Variants in TANC1 observed in about 807,000 individuals in gnomAD.
The protein encoded by TANC1 is tetratricopeptide repeat, ankyrin repeat and coiled-coil containing 1, also known as protein TANC1.
TANC1 carries 77 observed loss-of-function variants against 149.7 expected under a neutral mutation model. The ratio of observed to expected loss-of-function variants is 0.51; its 90% CI spans 0.43 to 0.62. The LOEUF (loss-of-function observed/expected upper bound fraction) is 0.62. Among genes scored for constraint, TANC1 ranks in the 20% least tolerant of loss-of-function variants. The pLI, the probability that TANC1 is intolerant of heterozygous loss-of-function variation, is 0.00. For synonymous variants in TANC1, 854 were observed against 925.0 expected (o/e 0.92, Z 1.39); for missense variants, 1,985 against 2,321.8 (o/e 0.85, Z 2.98).
intron 4 of TANC1, among the ~76,000 whole-genome samples, chr2:159,119,307 A>C (rs1476096137): frequency 1.3e-5 from 2 of 152,122 alleles, no homozygotes; most frequent in Non-Finnish European, 1.5e-5. Context: ...GGATTGTTTA[A>C]CCCATTGTTT....
chr2:159,017,109 A>G (rs1192025823), intron 2 of TANC1, among the ~76,000 whole-genome samples: 1 of 152,172 alleles, frequency 6.6e-6, no homozygotes, highest in African/African-American at 2.4e-5. Context: ...TACCTTGCCT[A>G]TGATCTTTTC....
chr2:159,100,561 C>G (rs1166627536), intron 4 of TANC1, among the ~76,000 whole-genome samples: 2 of 152,290 alleles, frequency 1.3e-5, no homozygotes, highest in Admixed American at 1.3e-4. Flanking sequence ...TTGGGATGTT[C>G]TCTCTATTAG....
intron 11 of TANC1, among the ~76,000 whole-genome samples, chr2:159,173,007 G>A (rs890256266): frequency 1.3e-5 from 2 of 152,062 alleles, no homozygotes; most frequent in East Asian, 1.9e-4. Context: ...TCTGCTTTCC[G>A]GATGATGACT....
Position 159,097,827 on chromosome 2 carries a change from AT to A in TANC1, c.253del (p.Ser85ProfsTer22), listed in dbSNP as rs1489315552. The A allele has an allele frequency of 6.2e-7, 1 of 1,611,444 alleles. No individual in the cohort carries two copies. ...TGGTGCAATCAAGAGTGAACAAAAA[AT>A]CCCCAGGTAAACAGGCAATGAAGGA... ...HLVQSRVNKKSPGPVRKPKYV... is the reference protein window; with the variant it reads ...HLVQSRVNKKXPGPVRKPKYV... On this transcript the variant is annotated frameshift_variant, in exon 4 of 27. Transcript: ENST00000263635. LOFTEE classifies it high-confidence loss of function.
At chr2:158,992,669 ATTTTTT>A (rs70994251) in intron 1 of TANC1, among the ~76,000 whole-genome samples, 60 of 112,518 alleles carry the variant, frequency 5.3e-4, no homozygotes, top group African/African-American at 1.6e-3. Context: ...TGCCCAGCTA[ATTTTTT>A]TTTTTTTTTT....
intron 2 of TANC1, among the ~76,000 whole-genome samples, chr2:159,034,860 G>A (rs1468825890): frequency 6.6e-6 from 1 of 152,206 alleles, no homozygotes; most frequent in African/African-American, 2.4e-5. Flanking sequence ...ACGTCCTCAC[G>A]AACTCACCGA....
intron 2 of TANC1, among the ~76,000 whole-genome samples, chr2:159,026,707 G>C (rs2039374640): frequency 6.6e-6 from 1 of 152,050 alleles, no homozygotes; most frequent in African/African-American, 2.4e-5. Flanking sequence ...ACCTTCTGGA[G>C]TGCTGGGTTG....
At chr2:159,219,141 C>A in intron 20 of TANC1, 97 bp from the exon 21 acceptor site, 1 of 1,491,602 alleles carries the variant, frequency 6.7e-7, no homozygotes, top group Non-Finnish European at 9.3e-7. Flanking sequence ...GAAAGAAAGT[C>A]ATTTGACTAT....
chr2:159,201,605 AATGGTGTTTTGTG>A (rs1220373573), intron 19 of TANC1, among the ~76,000 whole-genome samples: 1 of 152,144 alleles, frequency 6.6e-6, no homozygotes, highest in Non-Finnish European at 1.5e-5. Flanking sequence ...GGGTGTAGTC[AATGGTGTTTTGTG>A]TCCAAAACAC....
At chr2:159,019,197 G>A (rs151035470) in intron 2 of TANC1, among the ~76,000 whole-genome samples, 271 of 152,234 alleles carry the variant, frequency 1.8e-3, no homozygotes, top group African/African-American at 6.0e-3. Flanking sequence ...AAGCTCCTTC[G>A]AGCACCTTAG....
At chr2:159,056,122 G>T in intron 2 of TANC1, 1 of 270,028 alleles carries the variant, frequency 3.7e-6, no homozygotes. Context: ...TAAGATGTGG[G>T]AACTCATCCA....
intron 9 of TANC1, among the ~76,000 whole-genome samples, chr2:159,170,126 A>G (rs994681989): frequency 1.3e-5 from 2 of 152,128 alleles, no homozygotes; most frequent in African/African-American, 4.8e-5. Context: ...CCCTATTTCT[A>G]GGGAAAACAT....
intron 2 of TANC1, among the ~76,000 whole-genome samples, chr2:159,028,531 T>G (rs2039533367): frequency 6.6e-6 from 1 of 152,210 alleles, no homozygotes; most frequent in African/African-American, 2.4e-5. Context: ...TCCTCATATT[T>G]TAAAAAATTG....
At chr2:159,045,993 C>A (rs1226481835) in intron 2 of TANC1, among the ~76,000 whole-genome samples, 1 of 152,136 alleles carries the variant, frequency 6.6e-6, no homozygotes, top group Non-Finnish European at 1.5e-5. Context: ...CGTATTGAAA[C>A]CAAGCCTTTC....
rs1183073887 is a variant in TANC1 at position 158,969,132 on chromosome 2, C to T, written c.-126+350C>T. Among the ~76,000 whole-genome samples the T allele has an allele frequency of 3.3e-5, 5 of 152,292 alleles. No homozygotes were observed. The East Asian group carries it at 7.8e-4, about 24-fold the overall frequency. On this transcript the variant is annotated intron_variant, in intron 1 of 26. Coordinates refer to ENST00000263635, the MANE Select transcript of TANC1 (RefSeq NM_033394.3). ...GGCACGCTCGAGTTCTGGGACCACC[C>T]CCGCCCGGCGCGCCCGCTCGCCCCC...
intron 4 of TANC1, among the ~76,000 whole-genome samples, chr2:159,125,018 C>G (rs2049265816): frequency 6.6e-6 from 1 of 152,182 alleles, no homozygotes. Flanking sequence ...GCTGGGATTT[C>G]AGGCGTGAGC....
chr2:159,113,079 C>G (rs1274424821), intron 4 of TANC1, among the ~76,000 whole-genome samples: 1 of 152,126 alleles, frequency 6.6e-6, no homozygotes, highest in East Asian at 1.9e-4. Context: ...GGACTACAAG[C>G]ATGTGTCACT....
At position 159,153,864 on chromosome 2, in the gene TANC1, T is replaced by G. The variant is rs114862367; in HGVS notation, c.682+3308T>G. On this transcript the variant is annotated intron_variant, in intron 7 of 26. Coordinates refer to ENST00000263635, the MANE Select transcript of TANC1 (RefSeq NM_033394.3). ...CCTGGGAATGGCAGCTTTTGGGCAT[T>G]GTAAGTGTTTCACAGAGTAAAGTAT... 2.8e-3 allele frequency among the ~76,000 whole-genome samples: 432 copies of G among 152,214 alleles called. 6 individuals carry two copies. The highest frequency in any genetic ancestry group is 9.7e-3 in the African/African-American group (404 of 41,530).
intron 4 of TANC1, among the ~76,000 whole-genome samples, chr2:159,134,593 CT>C (rs2050457687): frequency 6.6e-6 from 1 of 152,208 alleles, no homozygotes; most frequent in African/African-American, 2.4e-5. Flanking sequence ...AGCGATTCTC[CT>C]GCCTCAGCCT....
Sources: gnomAD v4.1 joint callset for allele counts (sites outside exome capture counted in the v4.1 genomes callset) on GRCh38, gnomAD v4.1.1 for gene constraint, MANE v1.5 for transcripts, NCBI Gene and HGNC (gene_info 2026-07-23, HGNC 2026-07-21) for gene names.